BTBD9: variants seen among roughly 807,000 people sequenced by gnomAD.
BTBD9 encodes the protein BTB/POZ domain-containing protein 9.
A neutral mutation model predicts 64.3 loss-of-function variants in BTBD9; 49 were observed. The observed-to-expected ratio is 0.76, with a 90% CI of 0.61 to 0.97. BTBD9 has a LOEUF of 0.97. Ranked by LOEUF, BTBD9 falls within the 50% of genes least tolerant of loss-of-function variation. The pLI is 0.00. For missense variants in BTBD9, 598 were observed against 762.1 expected (o/e 0.78, Z 2.53); for synonymous variants, 260 against 274.7 (o/e 0.95, Z 0.53).
chr6:38,216,014 G>A (rs1402444425), intron 9 of BTBD9, among the ~76,000 whole-genome samples: 1 of 152,192 alleles, frequency 6.6e-6, no homozygotes, highest in East Asian at 1.9e-4. Flanking sequence ...GTTCTGAGGA[G>A]GACATCTCTA....
At chr6:38,182,317 T>A (rs1255987423) in intron 10 of BTBD9, among the ~76,000 whole-genome samples, 1 of 152,226 alleles carries the variant, frequency 6.6e-6, no homozygotes, top group African/African-American at 2.4e-5. Context: ...CTGCCCTGTT[T>A]TTTATGTGTG....
At chr6:38,191,639 C>T (rs999868024) in intron 10 of BTBD9, among the ~76,000 whole-genome samples, 2 of 152,196 alleles carry the variant, frequency 1.3e-5, no homozygotes, top group Non-Finnish European at 2.9e-5. Flanking sequence ...TGTGCCAGGG[C>T]CCCTGTTGGG....
At chr6:38,513,503 C>A (rs1168601668) in intron 6 of BTBD9, among the ~76,000 whole-genome samples, 3 of 151,152 alleles carry the variant, frequency 2.0e-5, no homozygotes, top group African/African-American at 7.3e-5. Flanking sequence ...AAAAATCCCA[C>A]GACACTTCCA....
intron 8 of BTBD9, among the ~76,000 whole-genome samples, chr6:38,287,492 T>C (rs1761790057): frequency 6.6e-6 from 1 of 152,156 alleles, no homozygotes; most frequent in Non-Finnish European, 1.5e-5. Context: ...GTTTTCTATG[T>C]TTAGACATGT....
chr6:38,247,928 C>CA (rs897900735), intron 9 of BTBD9, among the ~76,000 whole-genome samples: 57 of 147,342 alleles, frequency 3.9e-4, no homozygotes, highest in African/African-American at 8.5e-4. Context: ...ATGGCTCTAG[C>CA]AAAAAAAAAA....
intron 6 of BTBD9, among the ~76,000 whole-genome samples, chr6:38,455,580 G>T (rs1029209867): frequency 2.0e-5 from 3 of 152,296 alleles, no homozygotes; most frequent in Admixed American, 6.5e-5. Flanking sequence ...ACATGCTGTT[G>T]TGTGTGTAAG....
chr6:38,255,477 A>G (rs934833965), intron 9 of BTBD9, among the ~76,000 whole-genome samples: 2 of 152,038 alleles, frequency 1.3e-5, no homozygotes, highest in Non-Finnish European at 2.9e-5. Context: ...CATTTGCTCC[A>G]CCTTGCCTCT....
At chr6:38,383,145 A>G (rs989011236) in intron 6 of BTBD9, among the ~76,000 whole-genome samples, 1 of 152,234 alleles carries the variant, frequency 6.6e-6, no homozygotes, top group African/African-American at 2.4e-5. Context: ...AACAAATTCA[A>G]TGATACATAA....
intron 8 of BTBD9, among the ~76,000 whole-genome samples, chr6:38,269,713 G>A (rs1271765626): frequency 2.0e-5 from 3 of 152,068 alleles, no homozygotes; most frequent in African/African-American, 7.2e-5. Context: ...TGTTGTTTCT[G>A]TCTCATGAAT....
At chr6:38,282,731 C>T (rs1405050703) in intron 8 of BTBD9, among the ~76,000 whole-genome samples, 1 of 152,152 alleles carries the variant, frequency 6.6e-6, no homozygotes, top group African/African-American at 2.4e-5. Flanking sequence ...TTGGCACTGC[C>T]GGTGATGCTC....
intron 6 of BTBD9, among the ~76,000 whole-genome samples, chr6:38,452,809 G>A (rs770500983): frequency 3.3e-5 from 5 of 152,046 alleles, no homozygotes; most frequent in Non-Finnish European, 4.4e-5. Context: ...ATGTAGGAAG[G>A]TGATCACTTT....
chr6:38,515,575 C>T (rs1164333341), intron 6 of BTBD9, among the ~76,000 whole-genome samples: 1 of 152,122 alleles, frequency 6.6e-6, no homozygotes, highest in Non-Finnish European at 1.5e-5. Flanking sequence ...ATAGAACTAT[C>T]CAGCATTAAA....
intron 6 of BTBD9, among the ~76,000 whole-genome samples, chr6:38,538,694 A>G (rs1168748316): frequency 1.3e-5 from 2 of 152,092 alleles, no homozygotes; most frequent in Non-Finnish European, 2.9e-5. Context: ...TGTAACCTCA[A>G]ACACTTGGGC....
At chr6:38,244,642 C>T (rs189509369) in intron 9 of BTBD9, among the ~76,000 whole-genome samples, 1 of 152,222 alleles carries the variant, frequency 6.6e-6, no homozygotes, top group East Asian at 1.9e-4. Context: ...TTTACTCTCT[C>T]TAAGAGTGGT....
chr6:38,265,344 T>A (rs1764934468), intron 8 of BTBD9, among the ~76,000 whole-genome samples: 1 of 152,074 alleles, frequency 6.6e-6, no homozygotes, highest in African/African-American at 2.4e-5. Context: ...TATTTATTTA[T>A]TTAAAGCCCA....
At chr6:38,224,840 T>C (rs1763339439) in intron 9 of BTBD9, among the ~76,000 whole-genome samples, 1 of 152,228 alleles carries the variant, frequency 6.6e-6, no homozygotes, top group Non-Finnish European at 1.5e-5. Flanking sequence ...GTGTGTTAGG[T>C]AGTACTTACA....
At chr6:38,576,659 G>C (rs1776047979) in intron 6 of BTBD9, among the ~76,000 whole-genome samples, 1 of 152,070 alleles carries the variant, frequency 6.6e-6, no homozygotes, top group Non-Finnish European at 1.5e-5. Context: ...CATGGGTGAG[G>C]GGCCAGCTCC....
At chr6:38,335,355 G>A (rs1189465265) in intron 7 of BTBD9, among the ~76,000 whole-genome samples, 1 of 151,432 alleles carries the variant, frequency 6.6e-6, no homozygotes, top group East Asian at 1.9e-4. Flanking sequence ...TGGGTTCAAA[G>A]GATTCTCATG....
At chr6:38,221,784 A>G (rs1384975532) in intron 9 of BTBD9, among the ~76,000 whole-genome samples, 1 of 152,158 alleles carries the variant, frequency 6.6e-6, no homozygotes, top group Non-Finnish European at 1.5e-5. Context: ...CAAGGTTAGG[A>G]GTTCAAGACC....
Sources: allele counts gnomAD v4.1 joint callset (sites outside exome capture counted in the v4.1 genomes callset), GRCh38; gene constraint gnomAD v4.1.1; transcripts MANE v1.5; gene names NCBI Gene and HGNC (gene_info 2026-07-23, HGNC 2026-07-21).